The following VWF variants were observed in gnomAD, a reference collection of about 807,000 sequenced individuals.
VWF encodes von Willebrand factor.
In VWF, 176 loss-of-function variants were observed where a neutral mutation model predicts 308.6. The observed-to-expected ratio is 0.57, with a 90% CI of 0.50 to 0.65. The LOEUF (loss-of-function observed/expected upper bound fraction) is 0.65. VWF is among the 30% of genes least tolerant of loss of function. VWF has a pLI of 0.00. For synonymous variants in VWF, 1,385 were observed against 1,443.4 expected (o/e 0.96, Z 0.92); for missense variants, 3,146 against 3,648.2 (o/e 0.86, Z 3.55).
intron 15 of VWF, among the ~76,000 whole-genome samples, chr12:6,054,093 T>C (rs1434400468): frequency 1.3e-5 from 2 of 152,170 alleles, no homozygotes; most frequent in Non-Finnish European, 2.9e-5. Context: ...TTCAAATCCA[T>C]TGCTCCAGCA....
chr12:6,029,425 T>C lies in VWF; in HGVS notation c.2884A>G (p.Ile962Val). The change falls in exon 22 of 52, where the codon ATC becomes GTC. Residue 962 changes from isoleucine to valine, a missense_variant. Ile to Val is a conservative substitution (Grantham distance 29). This residue lies in a region of VWF where 1,304 missense variants were observed against 1,353.0 expected (regional missense o/e 0.96). Transcript: ENST00000261405. ...AGGGCTTTGCCCAGCAGCAGAATGA[T>C]GTACCGGCCAGACTCCACCACCTCA... ...HFEVVESGRYIILLLGKALSV... is the reference protein window; with the variant it reads ...HFEVVESGRYVILLLGKALSV... The C allele has an allele frequency of 2.5e-6, 4 of 1,614,086 alleles. No individual in the cohort carries two copies. Among genetic ancestry groups the C allele is most frequent in the Non-Finnish European group, 3.4e-6 (4 of 1,180,028 alleles).
chr12:6,088,274 C>T (rs1251965734), intron 6 of VWF, among the ~76,000 whole-genome samples: 2 of 151,532 alleles, frequency 1.3e-5, no homozygotes, highest in East Asian at 1.9e-4. Flanking sequence ...ATCAGGAGAT[C>T]GAGACCATCC....
In VWF at chr12:5,969,394, G is replaced by A. The variant is rs771222658; in HGVS notation, c.7549-3C>T. ...GGGGAGGCCCACTGGGAGCCGACCT[G>A]CAGGGCACCAGAGTTAGTCCAACAA... On this transcript the variant is annotated splice_region_variant and splice_polypyrimidine_tract_variant and intron_variant, in intron 44 of 51. Transcript: ENST00000261405. 4 of 1,614,086 alleles carry A rather than the reference G, an allele frequency of 2.5e-6. No homozygotes were observed. The highest frequency in any genetic ancestry group is 1.3e-5 in the African/African-American group (1 of 74,948).
intron 34 of VWF, among the ~76,000 whole-genome samples, chr12:6,009,237 A>G (rs1408449696): frequency 7.2e-6 from 1 of 139,604 alleles, no homozygotes; most frequent in Non-Finnish European, 1.6e-5. Context: ...ACAACTCAAT[A>G]GCAAAAAAAA....
At chr12:6,092,630 T>TGAGAGAGAGAGAGAGA (rs1219001307) in intron 6 of VWF, among the ~76,000 whole-genome samples, 9 of 72,900 alleles carry the variant, frequency 1.2e-4, no homozygotes, top group African/African-American at 7.4e-4. Flanking sequence ...TGTGTGTGTG[T>TGAGAGAGAGAGAGAGA]GTGTGTGTGT....
chr12:6,003,510 T>C (rs1472734426), intron 34 of VWF, among the ~76,000 whole-genome samples: 5 of 141,170 alleles, frequency 3.5e-5, no homozygotes, highest in African/African-American at 7.9e-5. Flanking sequence ...AATGTTTCAC[T>C]ACAAAAAAAA....
intron 18 of VWF, among the ~76,000 whole-genome samples, chr12:6,037,457 C>T (rs2136433108): frequency 6.6e-6 from 1 of 152,304 alleles, no homozygotes; most frequent in South Asian, 2.1e-4. Flanking sequence ...TGCTCTACTT[C>T]CCCGTCGTCA....
chr12:6,103,359 CAT>C lies in VWF; in HGVS notation c.532+7013_532+7014del, dbSNP rs200830774. On this transcript the variant is annotated intron_variant, in intron 5 of 51. Transcript: ENST00000261405. ...ATATATATATATGTGTGTATATATA[CAT>C]ATATATGTGTGTGTGTGTATACACG... is the stretch of plus-strand genomic sequence containing the variant. Among the ~76,000 whole-genome samples, 1,016 of 130,232 alleles carry C rather than the reference CAT, an allele frequency of 7.8e-3. 25 individuals are homozygous for C. Among genetic ancestry groups the C allele is most frequent in the African/African-American group, 0.026 (925 of 36,086 alleles). The allele number at this position is 130,232 out of a possible 152,430, so 85.4% of individuals were successfully genotyped here. A position where few individuals can be genotyped will look rare whatever the true frequency, so the allele number is the denominator to read the frequency against.
At chr12:5,976,355 G>A in intron 42 of VWF, 95 bp from the exon 43 acceptor site, 1 of 1,519,200 alleles carries the variant, frequency 6.6e-7, no homozygotes, top group Non-Finnish European at 9.1e-7. Context: ...TAAGTGCTGA[G>A]AATGTGGCAA....
intron 6 of VWF, among the ~76,000 whole-genome samples, chr12:6,082,440 T>A (rs989739079): frequency 2.0e-5 from 3 of 152,238 alleles, no homozygotes; most frequent in African/African-American, 7.2e-5. Flanking sequence ...GGCCCTGCGA[T>A]TAAACAGTTG....
In VWF at chr12:6,019,678, G is replaced by C. The variant is rs1367663700; in HGVS notation, c.3740C>G (p.Pro1247Arg). 1 of 1,613,616 alleles carries C rather than the reference G, an allele frequency of 6.2e-7. No homozygotes were observed. Among genetic ancestry groups the C allele is most frequent in the Non-Finnish European group, 8.5e-7 (1 of 1,179,806 alleles). Residue 1247 changes from proline (P) to arginine (R), a missense_variant, in exon 28 of 52, where the codon CCC becomes CGC. Around this residue, in one of 3 missense-constraint regions of VWF, gnomAD observed 853 missense variants for 1,177.8 expected, o/e 0.72. Transcript: ENST00000261405. The surrounding 1 kb of genome is among the most constrained non-coding windows in gnomAD (Gnocchi z 5.8). ...GGTGGGGCTCACCGGGGCATCTGTG[G>C]GAGGCACCACCAGGCCTCCCGGCTC... is the stretch of plus-strand genomic sequence containing the variant. Reference protein sequence around the residue: ...CQEPGGLVVPPTDAPVSPTTL... With the variant: ...CQEPGGLVVPRTDAPVSPTTL...
chr12:6,058,036 G>C lies in VWF; in HGVS notation c.1542C>G (p.Pro514=). Reference sequence around the variant, plus strand: ...GGCCGCAGGTCTTCCCGGCATAGACGGGGGACAGCTGCAGGAGAGACCAGG... The same window carrying C: ...GGCCGCAGGTCTTCCCGGCATAGACCGGGGACAGCTGCAGGAGAGACCAGG... ...GRGRLLVKLS[P]VYAGKTCGLC... The change falls in exon 14 of 52, where the codon CCC becomes CCG. Residue 514 remains proline (P), a synonymous_variant. Coordinates refer to ENST00000261405, the MANE Select transcript of VWF (RefSeq NM_000552.5). This position sits in a 1 kb window ranked among gnomAD's most constrained non-coding sequence, Gnocchi z 4.9. The C allele has an allele frequency of 1.2e-6, 2 of 1,612,980 alleles. No homozygotes were observed. Among genetic ancestry groups the C allele is most frequent in the East Asian group, 2.2e-5 (1 of 44,880 alleles).
At chr12:5,953,773 C>T in intron 47 of VWF, 179 bp from the exon 48 acceptor site, 1 of 644,012 alleles carries the variant, frequency 1.6e-6, no homozygotes, top group Non-Finnish European at 2.8e-6. Context: ...GGTAGCATTC[C>T]TTCACTCTGC....
chr12:6,031,032 A>G (rs985426345), intron 21 of VWF, among the ~76,000 whole-genome samples: 3 of 152,154 alleles, frequency 2.0e-5, no homozygotes, highest in Non-Finnish European at 4.4e-5. Flanking sequence ...CTCCATCTCA[A>G]AAAAATAAAG....
Position 5,997,032 on chromosome 12 carries a change from A to G in VWF, c.5843-810T>C, listed in dbSNP as rs552803010. ...AATGGCAGGTGAATACATGCCCAAG[A>G]GCTGAGACACAGATTCGGTGGAGCA... On this transcript the variant is annotated intron_variant, in intron 34 of 51. Coordinates refer to ENST00000261405, the MANE Select transcript of VWF (RefSeq NM_000552.5). Among the ~76,000 whole-genome samples the G allele has an allele frequency of 1.7e-4, 26 of 152,274 alleles. No individual in the cohort carries two copies. In the South Asian group the frequency reaches 5.2e-3, roughly 30 times the overall value.
intron 47 of VWF, among the ~76,000 whole-genome samples, chr12:5,964,635 G>C (rs1367378802): frequency 1.3e-5 from 2 of 152,168 alleles, no homozygotes; most frequent in Non-Finnish European, 1.5e-5. Context: ...TCAAGGTTAG[G>C]AGTCAGTAAG....
At position 6,052,751 on chromosome 12, in the gene VWF, G is replaced by A; in HGVS notation, c.1978C>T (p.Gln660Ter). ...LNCPKGQVYL[Q>*]CGTPCNLTCR... ...GTCAGGTTGCAGGGGGTCCCGCACT[G>A]CAGGTACACCTGGCCTTTCGGGCAG... The change falls in exon 16 of 52, where the codon CAG (glutamine) becomes TAG (stop). Residue 660 changes from glutamine (Q) to a stop codon, truncating the protein, a stop_gained. Coordinates refer to ENST00000261405, the MANE Select transcript of VWF (RefSeq NM_000552.5). LOFTEE classifies it high-confidence loss of function. 6 of 1,613,846 alleles carry A rather than the reference G, an allele frequency of 3.7e-6. No homozygotes were observed. Among genetic ancestry groups the A allele is most frequent in the African/African-American group, 1.3e-5 (1 of 74,978 alleles).
At chr12:6,006,491 A>T (rs1210616389) in intron 34 of VWF, among the ~76,000 whole-genome samples, 2 of 152,226 alleles carry the variant, frequency 1.3e-5, no homozygotes, top group East Asian at 3.8e-4. Flanking sequence ...AAAATAAAAT[A>T]AAACAGCCAG....
chr12:6,059,580 G>C (rs1048992876), intron 13 of VWF, among the ~76,000 whole-genome samples: 1 of 152,216 alleles, frequency 6.6e-6, no homozygotes, highest in African/African-American at 2.4e-5. Context: ...CCGGTTCATA[G>C]ATGGTGCCTT....
Sources: allele counts gnomAD v4.1 joint callset (sites outside exome capture counted in the v4.1 genomes callset), GRCh38; gene constraint gnomAD v4.1.1; regional missense constraint gnomAD v4.1.1; non-coding constraint Gnocchi (gnomAD v3.1); transcripts MANE v1.5; gene names NCBI Gene and HGNC (gene_info 2026-07-23, HGNC 2026-07-21).